Variants in ALDH7A1 observed in about 807,000 individuals in gnomAD.
The protein encoded by ALDH7A1 is aldehyde dehydrogenase 7 family member A1.
In ALDH7A1, 63 loss-of-function variants were observed where a neutral mutation model predicts 79.9. That is an observed-to-expected ratio of 0.79 (90% CI 0.64 to 0.97). The LOEUF (loss-of-function observed/expected upper bound fraction) is 0.97. Ranked by LOEUF, ALDH7A1 falls within the 50% of genes least tolerant of loss-of-function variation. The probability of loss-of-function intolerance (pLI) is 0.00; values close to 1 mark genes in which losing one functional copy is unlikely to be tolerated. For synonymous variants in ALDH7A1, 240 were observed against 231.2 expected, an observed-to-expected ratio of 1.04 and a Z score of -0.34; for missense variants, 627 against 665.2, an observed-to-expected ratio of 0.94 and a Z score of 0.63.
chr5:126,561,190 C>G (rs1031015842), intron 9 of ALDH7A1, 66 bp from the exon 10 acceptor site: 1 of 1,238,996 alleles, frequency 8.1e-7, no homozygotes, highest in Non-Finnish European at 1.1e-6. Context: ...CACTGCTACA[C>G]AGCCTAATCC....
At position 126,543,436 on chromosome 5, in the gene ALDH7A1, T is replaced by C. The variant is rs886059839; in HGVS notation, c.*1529A>G. On this transcript the variant is annotated 3_prime_UTR_variant, in exon 18 of 18. Transcript: ENST00000409134. ...CTTCTCTCAATAGCTATATCAGTAT[T>C]TGGCTTGATTCATGTTCAATATTGA... 1.3e-5 allele frequency: 2 copies of C among 152,186 alleles called. No individual in the cohort carries two copies. The highest frequency in any genetic ancestry group is 2.9e-5 in the Non-Finnish European group (2 of 68,016). 9.4% of individuals were successfully genotyped at this position (152,186 alleles called of 1,614,324 possible).
intron 3 of ALDH7A1, among the ~76,000 whole-genome samples, chr5:126,589,707 G>A (rs966208504): frequency 1.2e-4 from 18 of 150,662 alleles, no homozygotes; most frequent in African/African-American, 1.2e-4. Context: ...TGTGAGGAGC[G>A]CCACTGCCCG....
chr5:126,572,758 C>A (rs960095748), intron 7 of ALDH7A1, among the ~76,000 whole-genome samples: 1 of 152,160 alleles, frequency 6.6e-6, no homozygotes, highest in African/African-American at 2.4e-5. Context: ...CAAGGTAACC[C>A]CACACCTCTC....
chr5:126,581,573 G>A (rs1301332885), intron 5 of ALDH7A1: 1 of 152,136 alleles, frequency 6.6e-6, no homozygotes, highest in Non-Finnish European at 1.5e-5. Flanking sequence ...AGTGAACTGT[G>A]ATCATGCCAC....
In ALDH7A1 at chr5:126,552,028, T is replaced by G; in HGVS notation, c.1310A>C (p.Lys437Thr). The G allele has an allele frequency of 1.2e-6, 2 of 1,612,154 alleles. No individual in the cohort carries two copies. Among genetic ancestry groups the G allele is most frequent in the Middle Eastern group, 3.7e-4 (2 of 5,432 alleles). The change falls in exon 14 of 18, where the codon AAA becomes ACA. Residue 437 changes from lysine (K) to threonine (T), a missense_variant. Coordinates refer to ENST00000409134, the MANE Select transcript of ALDH7A1 (RefSeq NM_001182.5). The stretch of plus-strand genomic sequence containing the variant: ...AACAGAATGCATTTTTACCTTGAAT[T>G]TAAAGACATAGAGAATCGGAGCAAA... ...ETFAPILYVF[K>T]FKNEEEVFAW...
intron 3 of ALDH7A1, chr5:126,587,752 G>A (rs1042679240): frequency 2.6e-5 from 4 of 152,144 alleles, no homozygotes; most frequent in Non-Finnish European, 2.9e-5. Context: ...GAAGCCTCAC[G>A]TGAGGGAGGA....
chr5:126,551,428 C>T (rs1749993069), intron 14 of ALDH7A1, among the ~76,000 whole-genome samples: 1 of 151,934 alleles, frequency 6.6e-6, no homozygotes, highest in African/African-American at 2.4e-5. Context: ...GATTCTCCTG[C>T]CTCAGCCTCT....
intron 3 of ALDH7A1, among the ~76,000 whole-genome samples, chr5:126,590,191 G>A (rs1402244400): frequency 3.5e-5 from 5 of 142,914 alleles, no homozygotes; most frequent in African/African-American, 7.8e-5. Context: ...GCCTCTGCCC[G>A]GCCACCGCCC....
chr5:126,556,074 T>G, intron 11 of ALDH7A1, 59 bp from the exon 12 acceptor site: 3 of 1,181,732 alleles, frequency 2.5e-6, no homozygotes, highest in South Asian at 1.2e-5. Context: ...TTTTAAACAA[T>G]GAATAATTTC....
intron 7 of ALDH7A1, 80 bp from the exon 8 acceptor site, chr5:126,570,939 C>T (rs919855089): frequency 1.4e-6 from 2 of 1,381,124 alleles, no homozygotes; most frequent in Non-Finnish European, 2.1e-6. Flanking sequence ...AACCACTTGA[C>T]TCTCCTTTTT....
At chr5:126,586,675 G>A (rs1751366936) in intron 3 of ALDH7A1, 1 of 152,220 alleles carries the variant, frequency 6.6e-6, no homozygotes, top group African/African-American at 2.4e-5. Flanking sequence ...TAGAAGTTTA[G>A]GGCTAAGACC....
chr5:126,561,493 T>C (rs1486488284), intron 9 of ALDH7A1: 1 of 153,262 alleles, frequency 6.5e-6, no homozygotes, highest in African/African-American at 2.8e-5. Flanking sequence ...AGTGTGTGTG[T>C]GTGTGTGTGT....
At chr5:126,551,919 C>T (rs1750012325) in intron 14 of ALDH7A1, 102 bp downstream of exon 14, 20 of 947,442 alleles carry the variant, frequency 2.1e-5, no homozygotes, top group Non-Finnish European at 3.1e-5. Context: ...AGATTACTTT[C>T]TAAAACCCTC....
intron 9 of ALDH7A1, among the ~76,000 whole-genome samples, chr5:126,563,193 C>T (rs1346464214): frequency 2.0e-5 from 3 of 152,200 alleles, no homozygotes; most frequent in South Asian, 2.1e-4. Context: ...AAGGCCACCA[C>T]AAAAATCTCT....
chr5:126,558,166 C>CAAAAAAAAAAAAAAAAAAAAAAAAAAAAA, intron 11 of ALDH7A1, among the ~76,000 whole-genome samples: 1 of 75,426 alleles, frequency 1.3e-5, no homozygotes, highest in Non-Finnish European at 2.3e-5. Flanking sequence ...GACTCCAACT[C>CAAAAAAAAAAAAAAAAAAAAAAAAAAAAA]AAAAAAAAAA....
intron 3 of ALDH7A1, chr5:126,586,149 G>A (rs1751353468): frequency 6.6e-6 from 1 of 152,156 alleles, no homozygotes. Context: ...ATGGTTTTTT[G>A]TGGGGAATGA....
At chr5:126,575,011 G>A (rs1436979293) in intron 7 of ALDH7A1, among the ~76,000 whole-genome samples, 1 of 152,192 alleles carries the variant, frequency 6.6e-6, no homozygotes, top group Non-Finnish European at 1.5e-5. Context: ...CAGCAGATTA[G>A]TGTAATAATC....
At chr5:126,556,056 G>T in intron 11 of ALDH7A1, 41 bp from the exon 12 acceptor site, 1 of 1,368,176 alleles carries the variant, frequency 7.3e-7, no homozygotes, top group Non-Finnish European at 1.0e-6. Context: ...TATGATAAAT[G>T]CACACATTTT....
Position 126,575,435 on chromosome 5 carries a change from CTAA to C in ALDH7A1, c.677_679del (p.Ile226del). The C allele has an allele frequency of 6.2e-7, 1 of 1,613,432 alleles. No homozygotes were observed. Among genetic ancestry groups the C allele is most frequent in the Non-Finnish European group, 8.5e-7 (1 of 1,179,778 alleles). ...ATGTACTTACTTTGTGACAGCCACA[CTAA>C]TGAGGGAAGTGGTTGGAGCTCCTTT... is the stretch of plus-strand genomic sequence containing the variant. On this transcript the variant is annotated inframe_deletion, in exon 7 of 18. Coordinates refer to ENST00000409134, the MANE Select transcript of ALDH7A1 (RefSeq NM_001182.5).
Sources: allele counts gnomAD v4.1 joint callset (sites outside exome capture counted in the v4.1 genomes callset), GRCh38; gene constraint gnomAD v4.1.1; transcripts MANE v1.5; gene names NCBI Gene and HGNC (gene_info 2026-07-23, HGNC 2026-07-21).